Variants in RBM20 observed in about 807,000 individuals in gnomAD.
RBM20 encodes RNA binding motif protein 20, also known as RNA-binding protein 20.
RBM20 carries 51 observed loss-of-function variants against 110.1 expected under a neutral mutation model. That is an observed-to-expected ratio of 0.46 (90% CI 0.37 to 0.59). RBM20 has a LOEUF of 0.59. Ranked by LOEUF, RBM20 falls within the 20% of genes least tolerant of loss-of-function variation. RBM20 has a pLI of 0.00. For synonymous variants in RBM20, 589 were observed against 618.2 expected (o/e 0.95, Z 0.70); for missense variants, 1,512 against 1,574.9 (o/e 0.96, Z 0.68).
At chr10:110,743,531 AG>A (rs1258786681) in intron 1 of RBM20, among the ~76,000 whole-genome samples, 1 of 149,036 alleles carries the variant, frequency 6.7e-6, no homozygotes, top group African/African-American at 2.4e-5. Flanking sequence ...CTTCTGATTC[AG>A]TTTATACATA....
chr10:110,764,546 C>G (rs1844053768), intron 1 of RBM20, among the ~76,000 whole-genome samples: 1 of 152,216 alleles, frequency 6.6e-6, no homozygotes, highest in African/African-American at 2.4e-5. Context: ...AGGAATGGCT[C>G]CCGGTGGCAT....
Position 110,781,325 on chromosome 10 carries a change from C to T in RBM20, c.716C>T (p.Thr239Ile), listed in dbSNP as rs1016654764. The stretch of plus-strand genomic sequence containing the variant: ...TATGGCAAAGCCAGCTCTGGCCAGA[C>T]ATATGGCCCTGAAACAGATGGTCAG... ...YEYGKASSGQ[T>I]YGPETDGQPG... The change falls in exon 2 of 14, where the codon ACA becomes ATA. Residue 239 changes from threonine (T) to isoleucine (I), a missense_variant. Around this residue, in one of 3 missense-constraint regions of RBM20, gnomAD observed 1,149 missense variants for 1,169.4 expected, o/e 0.98. Coordinates refer to ENST00000369519, the MANE Select transcript of RBM20 (RefSeq NM_001134363.3). The T allele has an allele frequency of 3.2e-6, 5 of 1,551,626 alleles. No homozygotes were observed. Among genetic ancestry groups the T allele is most frequent in the Non-Finnish European group, 4.4e-6 (5 of 1,147,012 alleles).
intron 1 of RBM20, among the ~76,000 whole-genome samples, chr10:110,774,736 TTGTC>T (rs1844238886): frequency 6.6e-6 from 1 of 152,182 alleles, no homozygotes; most frequent in Non-Finnish European, 1.5e-5. Context: ...TTAAACTAAA[TTGTC>T]TGTAAGGCCT....
intron 1 of RBM20, among the ~76,000 whole-genome samples, chr10:110,730,249 G>C (rs1398403637): frequency 6.6e-6 from 1 of 152,224 alleles, no homozygotes; most frequent in Non-Finnish European, 1.5e-5. Context: ...CATTCAAGAT[G>C]GTTTCCTCGG....
At chr10:110,727,001 A>G (rs1538997) in intron 1 of RBM20, among the ~76,000 whole-genome samples, 151,925 of 152,252 alleles carry the variant, frequency 1, 75,800 homozygotes, top group Non-Finnish European at 1. Context: ...TGCCCACCAC[A>G]CTGCCCGGCT....
At chr10:110,788,278 C>T (rs1013169228) in intron 5 of RBM20, among the ~76,000 whole-genome samples, 6 of 152,214 alleles carry the variant, frequency 3.9e-5, no homozygotes, top group African/African-American at 1.2e-4. Flanking sequence ...GTGACAGGGA[C>T]TTCTCTGGCC....
intron 1 of RBM20, among the ~76,000 whole-genome samples, chr10:110,711,720 A>C (rs549771933): frequency 6.6e-6 from 1 of 152,330 alleles, no homozygotes; most frequent in South Asian, 2.1e-4. Flanking sequence ...TATCAGTCTG[A>C]TCCAGAAGAA....
chr10:110,752,941 ATATATTTTTT>A (rs1165614304), intron 1 of RBM20, among the ~76,000 whole-genome samples: 2 of 92,362 alleles, frequency 2.2e-5, no homozygotes, highest in Non-Finnish European at 4.2e-5. Flanking sequence ...ATATATATAT[ATATATTTTTT>A]TTTTTTTTAT....
At chr10:110,678,700 C>T (rs1156252828) in intron 1 of RBM20, among the ~76,000 whole-genome samples, 1 of 152,156 alleles carries the variant, frequency 6.6e-6, no homozygotes, top group Non-Finnish European at 1.5e-5. Context: ...GCCTGATGAC[C>T]TTGAAAGATT....
At chr10:110,806,928 A>G (rs1038188909) in intron 7 of RBM20, among the ~76,000 whole-genome samples, 5 of 152,182 alleles carry the variant, frequency 3.3e-5, no homozygotes, top group Non-Finnish European at 5.9e-5. Context: ...TCCGAAGTCA[A>G]TTCTCTTATT....
intron 1 of RBM20, among the ~76,000 whole-genome samples, chr10:110,720,762 G>A (rs1400235523): frequency 6.8e-6 from 1 of 146,118 alleles, no homozygotes; most frequent in Non-Finnish European, 1.5e-5. Flanking sequence ...TGCCCCTACA[G>A]CCTGCTCTCC....
Position 110,644,370 on chromosome 10 carries a change from G to A in RBM20, c.-85G>A. The A allele has an allele frequency of 8.7e-7, 1 of 1,147,042 alleles. No individual in the cohort carries two copies. The highest frequency in any genetic ancestry group is 3.2e-5 in the East Asian group (1 of 31,428). The allele number at this position is 1,147,042 out of a possible 1,614,324, so 71.1% of individuals were successfully genotyped here. On this transcript the variant is annotated 5_prime_UTR_variant, in exon 1 of 14. Coordinates refer to ENST00000369519, the MANE Select transcript of RBM20 (RefSeq NM_001134363.3). This position sits in a 1 kb window ranked among gnomAD's most constrained non-coding sequence, Gnocchi z 4.3. Reference sequence around the variant, plus strand: ...GGAAGGACAAGGGGACTGGGCACGGGGACCCCGGCCAGTGAGCGCCCGTGG... The same window carrying A: ...GGAAGGACAAGGGGACTGGGCACGGAGACCCCGGCCAGTGAGCGCCCGTGG...
intron 12 of RBM20, among the ~76,000 whole-genome samples, chr10:110,829,443 C>T (rs1213821169): frequency 6.6e-6 from 1 of 152,150 alleles, no homozygotes; most frequent in Non-Finnish European, 1.5e-5. Flanking sequence ...CTGCTGAGGG[C>T]ATGGCGTGTA....
chr10:110,767,217 AC>A (rs1420358133), intron 1 of RBM20, among the ~76,000 whole-genome samples: 2 of 81,162 alleles, frequency 2.5e-5, no homozygotes, highest in Admixed American at 1.3e-4. Context: ...GGGGGGGCTG[AC>A]CCCCCCACCT....
intron 1 of RBM20, among the ~76,000 whole-genome samples, chr10:110,738,084 T>C (rs1289404553): frequency 6.6e-6 from 1 of 152,208 alleles, no homozygotes; most frequent in African/African-American, 2.4e-5. Context: ...TCTGCTTTTG[T>C]GCCAGCATTA....
At chr10:110,691,673 AC>A (rs1273877328) in intron 1 of RBM20, among the ~76,000 whole-genome samples, 25 of 152,088 alleles carry the variant, frequency 1.6e-4, no homozygotes, top group African/African-American at 5.8e-4. Flanking sequence ...TCAGAATATA[AC>A]CCTTTATCAA....
chr10:110,758,901 G>A (rs1378680748), intron 1 of RBM20, among the ~76,000 whole-genome samples: 1 of 152,190 alleles, frequency 6.6e-6, no homozygotes, highest in Non-Finnish European at 1.5e-5. Context: ...TCCCTGACTG[G>A]AAGCTCTGGT....
At chr10:110,671,606 G>A (rs1351084371) in intron 1 of RBM20, among the ~76,000 whole-genome samples, 2 of 152,134 alleles carry the variant, frequency 1.3e-5, no homozygotes, top group Non-Finnish European at 2.9e-5. Context: ...TTGGGAATGA[G>A]TATTTGTATA....
At chr10:110,688,328 C>A (rs568503659) in intron 1 of RBM20, among the ~76,000 whole-genome samples, 2 of 152,258 alleles carry the variant, frequency 1.3e-5, no homozygotes, top group South Asian at 4.1e-4. Context: ...ATGCATTTTA[C>A]TCAAGAAATG....
Sources: gnomAD v4.1 joint callset for allele counts (sites outside exome capture counted in the v4.1 genomes callset) on GRCh38, gnomAD v4.1.1 for gene constraint, gnomAD v4.1.1 regional missense constraint, Gnocchi (gnomAD v3.1) non-coding constraint, MANE v1.5 for transcripts, NCBI Gene and HGNC (gene_info 2026-07-23, HGNC 2026-07-21) for gene names.